Variants in SRBD1 observed in about 807,000 individuals in gnomAD.
The protein encoded by SRBD1 is S1 RNA-binding domain-containing protein 1.
SRBD1 carries 88 observed loss-of-function variants against 115.3 expected under a neutral mutation model. The observed-to-expected ratio is 0.76, with a 90% CI of 0.64 to 0.91. SRBD1 has a LOEUF of 0.91. Ranked by LOEUF, SRBD1 falls within the 40% of genes least tolerant of loss-of-function variation. SRBD1 has a pLI of 0.00. For synonymous variants in SRBD1, 509 were observed against 407.7 expected (o/e 1.25, Z -2.99); for missense variants, 1,385 against 1,177.4 (o/e 1.18, Z -2.58).
At chr2:45,511,835 T>C (rs573814444) in intron 14 of SRBD1, among the ~76,000 whole-genome samples, 1 of 152,312 alleles carries the variant, frequency 6.6e-6, no homozygotes, top group African/African-American at 2.4e-5. Context: ...ACAGATCATT[T>C]CCTATTGATT....
chr2:45,458,942 T>C (rs1312916024), intron 16 of SRBD1, among the ~76,000 whole-genome samples: 3 of 151,644 alleles, frequency 2.0e-5, no homozygotes, highest in Non-Finnish European at 2.9e-5. Context: ...TACTAAAGAG[T>C]TGGTAATTAC....
At chr2:45,604,722 T>C (rs1674212004) in intron 2 of SRBD1, among the ~76,000 whole-genome samples, 3 of 152,172 alleles carry the variant, frequency 2.0e-5, no homozygotes, top group African/African-American at 7.2e-5. Flanking sequence ...CCGCAATAAC[T>C]TTCTGACTAC....
intron 16 of SRBD1, among the ~76,000 whole-genome samples, chr2:45,438,595 G>T (rs1668569969): frequency 6.6e-6 from 1 of 152,138 alleles, no homozygotes; most frequent in Admixed American, 6.5e-5. Context: ...TATTGAATGG[G>T]CTTAACAGCA....
chr2:45,408,450 A>G (rs1165171524), intron 19 of SRBD1, among the ~76,000 whole-genome samples: 1 of 152,206 alleles, frequency 6.6e-6, no homozygotes, highest in Admixed American at 6.5e-5. Flanking sequence ...TTCCCACTAA[A>G]TACTTCACAA....
rs59451865 is a variant in SRBD1 at position 45,445,550 on chromosome 2, TAAAAAAAAAAAA to T, written c.2050-25668_2050-25657del. 4.8e-3 allele frequency among the ~76,000 whole-genome samples: 176 copies of T among 37,048 alleles called. 4 individuals carry two copies. Among genetic ancestry groups the T allele is most frequent in the African/African-American group, 0.011 (153 of 13,424 alleles). 24.3% of individuals were successfully genotyped at this position (37,048 alleles called of 152,430 possible). On this transcript the variant is annotated intron_variant, in intron 16 of 20. Coordinates refer to ENST00000263736, the MANE Select transcript of SRBD1 (RefSeq NM_018079.5). ...CACAGAAGCAATATCTTCCCAGAGG[TAAAAAAAAAAAA>T]AAAAAAAAAAAAAAAAAGTAGAAAA...
chr2:45,484,763 T>A (rs953196836), intron 15 of SRBD1, among the ~76,000 whole-genome samples: 7 of 152,204 alleles, frequency 4.6e-5, no homozygotes, highest in African/African-American at 1.4e-4. Flanking sequence ...CTCTCCCCAG[T>A]CCCTGACAAC....
At chr2:45,486,579 AT>A (rs1306525578) in intron 15 of SRBD1, among the ~76,000 whole-genome samples, 1 of 151,800 alleles carries the variant, frequency 6.6e-6, no homozygotes, top group Non-Finnish European at 1.5e-5. Flanking sequence ...ATACAAAAAA[AT>A]AAATTAGCCA....
chr2:45,518,069 A>C (rs1487085738), intron 14 of SRBD1, among the ~76,000 whole-genome samples: 1 of 152,156 alleles, frequency 6.6e-6, no homozygotes, highest in Non-Finnish European at 1.5e-5. Flanking sequence ...CATAATAGGC[A>C]GGCTTTTTTT....
intron 2 of SRBD1, among the ~76,000 whole-genome samples, chr2:45,603,598 C>T (rs1266021363): frequency 6.6e-6 from 1 of 152,128 alleles, no homozygotes; most frequent in East Asian, 1.9e-4. Context: ...GACGTGATCT[C>T]GGTTCACTGC....
chr2:45,411,460 C>G (rs954072056), intron 19 of SRBD1, among the ~76,000 whole-genome samples: 1 of 152,064 alleles, frequency 6.6e-6, no homozygotes, highest in African/African-American at 2.4e-5. Flanking sequence ...CTGAAAGAAG[C>G]CTTACACAGA....
At chr2:45,609,997 A>G (rs1674394358) in intron 1 of SRBD1, among the ~76,000 whole-genome samples, 1 of 152,216 alleles carries the variant, frequency 6.6e-6, no homozygotes, top group African/African-American at 2.4e-5. Flanking sequence ...ACAGAGGAAT[A>G]TACATTTATT....
intron 1 of SRBD1, among the ~76,000 whole-genome samples, chr2:45,606,875 C>G (rs536778980): frequency 3.3e-5 from 5 of 152,246 alleles, no homozygotes; most frequent in Non-Finnish European, 5.9e-5. Context: ...AGTTTCTGAC[C>G]CAGTCATATG....
rs561598510 is a variant in SRBD1 at position 45,490,564 on chromosome 2, T to A, written c.1875-2233A>T. 2.0e-3 allele frequency among the ~76,000 whole-genome samples: 310 copies of A among 152,236 alleles called. 1 individual carries two copies. Among genetic ancestry groups the A allele is most frequent in the African/African-American group, 7.3e-3 (304 of 41,548 alleles). On this transcript the variant is annotated intron_variant, in intron 14 of 20. Coordinates refer to ENST00000263736, the MANE Select transcript of SRBD1 (RefSeq NM_018079.5). ...TTATTAAGAGAAAAGAATATTTTTG[T>A]AAATCTCACCACAGATTTATTTTCT... is the stretch of plus-strand genomic sequence containing the variant.
At chr2:45,407,792 G>C (rs913716476) in intron 19 of SRBD1, among the ~76,000 whole-genome samples, 4 of 151,666 alleles carry the variant, frequency 2.6e-5, no homozygotes, top group African/African-American at 9.7e-5. Flanking sequence ...AGATATAAAA[G>C]GTAAACAAGT....
chr2:45,413,177 A>G lies in SRBD1; in HGVS notation c.2450T>C (p.Leu817Ser), dbSNP rs1169620812. 7 of 1,614,020 alleles carry G rather than the reference A, an allele frequency of 4.3e-6. No homozygotes were observed. Among genetic ancestry groups the G allele is most frequent in the Admixed American group, 1.7e-5 (1 of 60,000 alleles). Residue 817 changes from leucine (L) to serine (S), a missense_variant, in exon 19 of 21, where the codon TTA becomes TCA. By Grantham distance (145) the Leu-to-Ser change is moderately radical (BLOSUM62 -2). Transcript: ENST00000263736. ...KKKSKTAVNVLLKPNPLDQTC... is the reference protein window; with the variant it reads ...KKKSKTAVNVSLKPNPLDQTC... ...TTGGTCCAAAGGATTTGGCTTCAGTAAAACATTCACTGCAGTTTTGCTCTT... is the reference window on the plus strand; with the variant it reads ...TTGGTCCAAAGGATTTGGCTTCAGTGAAACATTCACTGCAGTTTTGCTCTT...
chr2:45,472,422 C>T (rs771811215), intron 16 of SRBD1, among the ~76,000 whole-genome samples: 1 of 152,206 alleles, frequency 6.6e-6, no homozygotes, highest in South Asian at 2.1e-4. Context: ...CTGACTTGTA[C>T]ATTTTAAATC....
At chr2:45,398,754 C>A (rs1169154231) in intron 19 of SRBD1, among the ~76,000 whole-genome samples, 1 of 152,038 alleles carries the variant, frequency 6.6e-6, no homozygotes, top group African/African-American at 2.4e-5. Flanking sequence ...CATATAGTTA[C>A]CTCAAAGTAT....
chr2:45,546,626 G>C, intron 14 of SRBD1, 106 bp downstream of exon 14: 7 of 1,107,652 alleles, frequency 6.3e-6, no homozygotes, highest in Non-Finnish European at 8.0e-6. Flanking sequence ...TGGTCTGGAG[G>C]GCAAAGAAGA....
At chr2:45,414,127 A>C (rs549021215) in intron 18 of SRBD1, among the ~76,000 whole-genome samples, 1 of 152,330 alleles carries the variant, frequency 6.6e-6, no homozygotes, top group African/African-American at 2.4e-5. Context: ...ATAGTGGAAC[A>C]ATATCTTAAA....
Sources: allele counts gnomAD v4.1 joint callset (sites outside exome capture counted in the v4.1 genomes callset), GRCh38; gene constraint gnomAD v4.1.1; transcripts MANE v1.5; gene names NCBI Gene and HGNC (gene_info 2026-07-23, HGNC 2026-07-21).